The following CYTH3 variants were observed in gnomAD, a reference collection of about 807,000 sequenced individuals.
CYTH3 encodes the protein cytohesin-3.
In CYTH3, 23 loss-of-function variants were observed where a neutral mutation model predicts 55.1. The ratio of observed to expected loss-of-function variants is 0.42; its 90% confidence interval spans 0.30 to 0.59. The LOEUF is 0.59. Among genes scored for constraint, CYTH3 ranks in the 20% least tolerant of loss-of-function variants. The probability of loss-of-function intolerance (pLI) is 0.20; values close to 1 mark genes in which losing one functional copy is unlikely to be tolerated. For synonymous variants in CYTH3, 249 were observed against 194.9 expected (o/e 1.28, Z -2.31); for missense variants, 413 against 524.8 (o/e 0.79, Z 2.08).
chr7:6,240,980 G>C (rs1264460853), intron 1 of CYTH3, among the ~76,000 whole-genome samples: 1 of 152,056 alleles, frequency 6.6e-6, no homozygotes, highest in East Asian at 1.9e-4. Context: ...AAATTAGTTG[G>C]GCATGGTGGC....
chr7:6,198,015 G>T (rs926009233), intron 1 of CYTH3, among the ~76,000 whole-genome samples: 1 of 150,626 alleles, frequency 6.6e-6, no homozygotes, highest in African/African-American at 2.5e-5. Context: ...GATCGCTTGA[G>T]CCCTTGAGTT....
rs149354490 is a variant in CYTH3, at chr7:6,174,888, G to A, written c.369-1155C>T. ...ATCTGCATCTCCTTGATGATCAATT[G>A]AGCATTTTTTCCTGTGCTTATTGGC... On this transcript the variant is annotated intron_variant, in intron 5 of 12. Transcript: ENST00000350796. Among the ~76,000 whole-genome samples the A allele has an allele frequency of 2.2e-4, 33 of 152,264 alleles. No homozygotes were observed. The East Asian group carries it at 5.8e-3, about 27-fold the overall frequency.
At chr7:6,187,250 C>G (rs375429566) in intron 3 of CYTH3, 134 bp from the exon 4 acceptor site, 7 of 835,026 alleles carry the variant, frequency 8.4e-6, no homozygotes, top group Non-Finnish European at 1.4e-5. Context: ...GAGGGGCCCC[C>G]AGTCTCCGCA....
At chr7:6,206,133 A>T (rs569112459) in intron 1 of CYTH3, among the ~76,000 whole-genome samples, 11 of 152,228 alleles carry the variant, frequency 7.2e-5, no homozygotes, top group Non-Finnish European at 1.6e-4. Context: ...AAGTAAAAAC[A>T]TATGTCCACA....
chr7:6,208,148 G>T (rs1302122727), intron 1 of CYTH3, among the ~76,000 whole-genome samples: 11 of 152,126 alleles, frequency 7.2e-5, no homozygotes, highest in African/African-American at 2.4e-4. Flanking sequence ...GATAAGGTAG[G>T]TAAGAATTTT....
chr7:6,268,310 G>C (rs1780559989), intron 1 of CYTH3, among the ~76,000 whole-genome samples: 1 of 152,132 alleles, frequency 6.6e-6, no homozygotes. Context: ...TGAGATTACA[G>C]GCACGCACCA....
chr7:6,237,345 TCTA>T (rs745433805), intron 1 of CYTH3, among the ~76,000 whole-genome samples: 21 of 152,174 alleles, frequency 1.4e-4, no homozygotes, highest in Non-Finnish European at 2.9e-4. Flanking sequence ...AGAAAATAAA[TCTA>T]CTACACTGAC....
intron 1 of CYTH3, among the ~76,000 whole-genome samples, chr7:6,223,591 G>C (rs1474576770): frequency 1.3e-5 from 2 of 152,072 alleles, no homozygotes; most frequent in Non-Finnish European, 2.9e-5. Context: ...AATGGATTAA[G>C]AGCAGTGCAA....
chr7:6,223,112 C>T lies in CYTH3; in HGVS notation c.35-32581G>A, dbSNP rs1027269851. 3.9e-5 allele frequency among the ~76,000 whole-genome samples: 6 copies of T among 152,336 alleles called. 1 individual carries two copies. In the South Asian group the frequency reaches 1.2e-3, roughly 32 times the overall value. Reference sequence around the variant, plus strand: ...GCATGTGAGAAGCGCCTCTGCCTGGCTGCCCTTCGTCTGGGAGGCGAGGAG... The same window carrying T: ...GCATGTGAGAAGCGCCTCTGCCTGGTTGCCCTTCGTCTGGGAGGCGAGGAG... On this transcript the variant is annotated intron_variant, in intron 1 of 12. Transcript: ENST00000350796.
In CYTH3 at chr7:6,190,442, T is replaced by A. The variant is rs760937655; in HGVS notation, c.117+7A>T. The A allele has an allele frequency of 7.0e-5, 104 of 1,487,086 alleles. No individual in the cohort carries two copies. Among genetic ancestry groups the A allele is most frequent in the South Asian group, 1.7e-4 (13 of 74,374 alleles). 92.1% of individuals were successfully genotyped at this position (1,487,086 alleles called of 1,614,324 possible). On this transcript the variant is annotated splice_region_variant and intron_variant, in intron 2 of 12. Coordinates refer to ENST00000350796, the MANE Select transcript of CYTH3 (RefSeq NM_004227.4). ...TTGGATTTTTGGTTTTTTTTTTTTTTTTTTACCTCAATGTCATCAATAAGT... is the reference window on the plus strand; with the variant it reads ...TTGGATTTTTGGTTTTTTTTTTTTTATTTTACCTCAATGTCATCAATAAGT...
chr7:6,252,111 A>G (rs1779986995), intron 1 of CYTH3, among the ~76,000 whole-genome samples: 1 of 152,204 alleles, frequency 6.6e-6, no homozygotes, highest in Admixed American at 6.5e-5. Context: ...CAGATAGGCA[A>G]ATGTGGAATG....
chr7:6,263,352 G>A (rs530453017), intron 1 of CYTH3, among the ~76,000 whole-genome samples: 1 of 152,284 alleles, frequency 6.6e-6, no homozygotes, highest in South Asian at 2.1e-4. Context: ...AAAGCAATCT[G>A]TTATCTATTA....
chr7:6,263,596 G>C (rs1453466547), intron 1 of CYTH3, among the ~76,000 whole-genome samples: 2 of 152,104 alleles, frequency 1.3e-5, no homozygotes, highest in Non-Finnish European at 2.9e-5. Context: ...AGGAGTTCAA[G>C]ACCAGCCTGG....
chr7:6,251,219 G>A (rs564035811), intron 1 of CYTH3, among the ~76,000 whole-genome samples: 1 of 152,078 alleles, frequency 6.6e-6, no homozygotes, highest in African/African-American at 2.4e-5. Flanking sequence ...AGGTTGCAGT[G>A]AGCCGAGATC....
chr7:6,173,152 C>T, intron 6 of CYTH3: 1 of 808,354 alleles, frequency 1.2e-6, no homozygotes. Context: ...AGCGAGACAA[C>T]TTCCTGCTTG....
chr7:6,193,946 T>C (rs1030894136), intron 1 of CYTH3, among the ~76,000 whole-genome samples: 2 of 152,180 alleles, frequency 1.3e-5, no homozygotes, highest in African/African-American at 4.8e-5. Flanking sequence ...GGACAGAGGC[T>C]GGGACAAGCG....
intron 1 of CYTH3, among the ~76,000 whole-genome samples, chr7:6,192,548 T>TTTTA (rs1253608166): frequency 1.3e-5 from 2 of 149,144 alleles, no homozygotes; most frequent in African/African-American, 5.0e-5. Flanking sequence ...TTTTTTTTTT[T>TTTTA]TTGAGACAGA....
At chr7:6,257,830 C>A (rs1394569880) in intron 1 of CYTH3, among the ~76,000 whole-genome samples, 1 of 152,094 alleles carries the variant, frequency 6.6e-6, no homozygotes, top group Non-Finnish European at 1.5e-5. Flanking sequence ...ATTTACTGTC[C>A]CACATGACAG....
rs979054426 is a variant in CYTH3, at chr7:6,162,234, T to C, written c.*2710A>G. On this transcript the variant is annotated 3_prime_UTR_variant, in exon 13 of 13. Coordinates refer to ENST00000350796, the MANE Select transcript of CYTH3 (RefSeq NM_004227.4). Reference sequence around the variant, plus strand: ...GACACAAAGTTGCTGCTTATCTGGGTCCAGGGTCAGTACAATTAAACTCAA... The same window carrying C: ...GACACAAAGTTGCTGCTTATCTGGGCCCAGGGTCAGTACAATTAAACTCAA... 3 of 152,342 alleles carry C rather than the reference T, an allele frequency of 2.0e-5. No individual in the cohort carries two copies. Among genetic ancestry groups the C allele is most frequent in the African/African-American group, 7.2e-5 (3 of 41,444 alleles). 9.4% of individuals were successfully genotyped at this position (152,342 alleles called of 1,614,324 possible).
Sources: gnomAD v4.1 joint callset for allele counts (sites outside exome capture counted in the v4.1 genomes callset) on GRCh38, gnomAD v4.1.1 for gene constraint, MANE v1.5 for transcripts, NCBI Gene and HGNC (gene_info 2026-07-23, HGNC 2026-07-21) for gene names.